The following DIAPH2 variants were observed in gnomAD, a reference collection of about 807,000 sequenced individuals.
The protein encoded by DIAPH2 is protein diaphanous homolog 2.
A neutral mutation model predicts 92.7 loss-of-function variants in DIAPH2; 35 were observed. The observed-to-expected ratio is 0.38, with a 90% CI of 0.29 to 0.50. The LOEUF (loss-of-function observed/expected upper bound fraction) is 0.50, where lower values mean the gene tolerates loss of function less well. Among genes scored for constraint, DIAPH2 ranks in the 20% least tolerant of loss-of-function variants. DIAPH2 has a pLI of 0.94. For missense variants in DIAPH2, 701 were observed against 819.5 expected (o/e 0.86, Z 1.77); for synonymous variants, 301 against 280.4 (o/e 1.07, Z -0.73).
intron 4 of DIAPH2, among the ~76,000 whole-genome samples, chrX:96,796,423 AC>A (rs755728503): frequency 8.9e-6 from 1 of 111,777 alleles, no homozygotes; most frequent in Non-Finnish European, 1.9e-5. Context: ...CAGGTGATCC[AC>A]CTGCCTGGGC....
intron 23 of DIAPH2, among the ~76,000 whole-genome samples, chrX:97,311,188 C>A (rs184418906): frequency 2.1e-4 from 23 of 110,846 alleles, no homozygotes; most frequent in African/African-American, 7.2e-4. Flanking sequence ...ATAAGCAAGG[C>A]AGATGGGAAG....
intron 12 of DIAPH2, among the ~76,000 whole-genome samples, chrX:96,941,603 G>A (rs894745255): frequency 1.8e-5 from 2 of 111,430 alleles, no homozygotes; most frequent in African/African-American, 6.5e-5. Flanking sequence ...TGCTTGCCAC[G>A]TAATGTGAAG....
At chrX:96,728,625 G>A (rs1006806152) in intron 1 of DIAPH2, among the ~76,000 whole-genome samples, 23 of 112,253 alleles carry the variant, frequency 2.0e-4, no homozygotes, top group African/African-American at 7.4e-4. Flanking sequence ...TTAAGGTTTG[G>A]TTGAGAAATT....
intron 19 of DIAPH2, among the ~76,000 whole-genome samples, chrX:97,094,173 G>T (rs886912365): frequency 9.0e-6 from 1 of 111,612 alleles, no homozygotes; most frequent in African/African-American, 3.3e-5. Context: ...GGGAATGTCA[G>T]TTAGAAACAT....
At chrX:97,185,379 A>G (rs867549063) in intron 22 of DIAPH2, among the ~76,000 whole-genome samples, 865 of 41,595 alleles carry the variant, frequency 0.021, 207 homozygotes, top group African/African-American at 0.16. Flanking sequence ...GTATATATAT[A>G]TGTATATATA....
At chrX:97,540,795 C>T (rs2071134030) in intron 26 of DIAPH2, among the ~76,000 whole-genome samples, 2 of 111,745 alleles carry the variant, frequency 1.8e-5, no homozygotes, top group African/African-American at 6.5e-5. Flanking sequence ...AGACTAGAAG[C>T]AAAACAGTAA....
At chrX:96,718,203 T>A (rs2063963955) in intron 1 of DIAPH2, among the ~76,000 whole-genome samples, 1 of 107,865 alleles carries the variant, frequency 9.3e-6, no homozygotes. Context: ...ATGCAACGTT[T>A]GCCTTTCTGT....
chrX:97,298,234 GTT>G (rs753905645), intron 23 of DIAPH2, among the ~76,000 whole-genome samples: 4 of 88,557 alleles, frequency 4.5e-5, no homozygotes, highest in Non-Finnish European at 4.4e-5. Flanking sequence ...AGTTTTTCAG[GTT>G]TTTTTTTTTT....
intron 20 of DIAPH2, among the ~76,000 whole-genome samples, chrX:97,113,804 A>G (rs1202103095): frequency 8.9e-6 from 1 of 112,013 alleles, no homozygotes; most frequent in Non-Finnish European, 1.9e-5. Flanking sequence ...TAGGCTATAT[A>G]TACAAAACCA....
chrX:96,965,053 G>A (rs753809610), intron 16 of DIAPH2, 40 bp from the exon 17 acceptor site: 5 of 1,133,280 alleles, frequency 4.4e-6, no homozygotes, highest in East Asian at 6.8e-5. Context: ...TAAATATGAG[G>A]TTATAATTTA....
At position 96,898,140 on chromosome X, in the gene DIAPH2, G is replaced by C. The variant is rs1466769147; in HGVS notation, c.588-14188G>C. On this transcript the variant is annotated intron_variant, in intron 5 of 26. Coordinates refer to ENST00000324765, the MANE Select transcript of DIAPH2 (RefSeq NM_006729.5). ...CAGTCTATCATTGATGGACATTTGG[G>C]TTGGTTCCAAGTCTTTGCTATTGTG... Among the ~76,000 whole-genome samples, 371 of 94,727 alleles carry C rather than the reference G, an allele frequency of 3.9e-3. 2 individuals are homozygous for C. The highest frequency in any genetic ancestry group is 0.014 in the African/African-American group (363 of 26,586). 82.3% of individuals were successfully genotyped at this position (94,727 alleles called of 115,157 possible). A position where few individuals can be genotyped will look rare whatever the true frequency, so the allele number is the denominator to read the frequency against.
At chrX:96,763,237 A>G in intron 4 of DIAPH2, 1 of 415,166 alleles carries the variant, frequency 2.4e-6, no homozygotes, top group Non-Finnish European at 3.5e-6. Flanking sequence ...TACCAAAGCA[A>G]TGAGATGAAT....
chrX:96,873,979 A>G (rs886422445), intron 4 of DIAPH2, among the ~76,000 whole-genome samples: 49 of 112,005 alleles, frequency 4.4e-4, no homozygotes, highest in African/African-American at 1.5e-3. Context: ...ATAAAGTGGC[A>G]GGTTGTATAA....
chrX:97,312,345 C>CATTTTTTTTTTTTTTTTTTTTTTTTT lies in DIAPH2; in HGVS notation c.2845-35771_2845-35770insATTTTTTTTTTTTTTTTTTTTTTTTT, dbSNP rs202046146. Among the ~76,000 whole-genome samples the CATTTTTTTTTTTTTTTTTTTTTTTTT allele has an allele frequency of 3.6e-5, 2 of 54,945 alleles. 1 individual carries two copies. The highest frequency in any genetic ancestry group is 6.1e-5 in the Non-Finnish European group (2 of 32,558). The allele number at this position is 54,945 out of a possible 115,157, so 47.7% of individuals were successfully genotyped here. ...TTGATCACTTTTGATCAATAGAATC[C>CATTTTTTTTTTTTTTTTTTTTTTTTT]TTTTTTTTTTTTTTTTTTTTTTTTT... On this transcript the variant is annotated intron_variant, in intron 23 of 26. Coordinates refer to ENST00000324765, the MANE Select transcript of DIAPH2 (RefSeq NM_006729.5).
intron 23 of DIAPH2, among the ~76,000 whole-genome samples, chrX:97,344,259 A>G (rs781132869): frequency 1.8e-5 from 2 of 110,990 alleles, no homozygotes; most frequent in African/African-American, 3.3e-5. Flanking sequence ...AATTTCCCAC[A>G]TGAAGCCAGG....
intron 4 of DIAPH2, among the ~76,000 whole-genome samples, chrX:96,874,468 A>G (rs1405014463): frequency 4.5e-5 from 5 of 112,151 alleles, no homozygotes; most frequent in Non-Finnish European, 9.4e-5. Flanking sequence ...TTTAAAAGAG[A>G]AGTATATGTG....
chrX:96,966,057 G>C (rs1355925286), intron 17 of DIAPH2, among the ~76,000 whole-genome samples: 1 of 111,311 alleles, frequency 9.0e-6, no homozygotes, highest in East Asian at 2.8e-4. Flanking sequence ...CTTAGAATAT[G>C]AGAATATAAA....
intron 26 of DIAPH2, among the ~76,000 whole-genome samples, chrX:97,488,082 C>T (rs1297145937): frequency 1.8e-5 from 2 of 112,240 alleles, no homozygotes; most frequent in Admixed American, 1.9e-4. Flanking sequence ...CAACCTCCAC[C>T]TCCCGGGTTC....
chrX:97,483,780 G>A (rs934513576), intron 26 of DIAPH2, among the ~76,000 whole-genome samples: 8 of 111,433 alleles, frequency 7.2e-5, no homozygotes, highest in African/African-American at 2.3e-4. Context: ...TATCAATACC[G>A]TCCCATCACA....
Sources: allele counts gnomAD v4.1 joint callset (sites outside exome capture counted in the v4.1 genomes callset), GRCh38; gene constraint gnomAD v4.1.1; transcripts MANE v1.5; gene names NCBI Gene and HGNC (gene_info 2026-07-23, HGNC 2026-07-21).